Variants in GABRB2 observed in about 807,000 individuals in gnomAD.
The protein encoded by GABRB2 is gamma-aminobutyric acid receptor subunit beta-2.
Under a neutral mutation model 54.7 loss-of-function variants are expected in GABRB2, and 16 were observed. That is an observed-to-expected ratio of 0.29 (90% CI 0.20 to 0.44). The LOEUF (loss-of-function observed/expected upper bound fraction) is 0.44, where lower values mean the gene tolerates loss of function less well. Ranked by LOEUF, GABRB2 falls within the 20% of genes least tolerant of loss-of-function variation. The probability of loss-of-function intolerance (pLI) is 1.00; values close to 1 mark genes in which losing one functional copy is unlikely to be tolerated. For missense variants in GABRB2, 355 were observed against 644.0 expected (o/e 0.55, Z 4.86); for synonymous variants, 244 against 233.8 (o/e 1.04, Z -0.40).
At chr5:161,548,383 C>G (rs907493703), upstream of GABRB2, among the ~76,000 whole-genome samples, 1 of 152,200 alleles carries the variant, frequency 6.6e-6, no homozygotes, top group African/African-American at 2.4e-5. Context: ...TCTCCGGGTA[C>G]TCCTGAGTTT....
intron 5 of GABRB2, among the ~76,000 whole-genome samples, chr5:161,346,460 A>G (rs10515828): frequency 0.09 from 13,757 of 152,204 alleles, 712 homozygotes; most frequent in East Asian, 0.17. Flanking sequence ...AATGTGCAAT[A>G]AAGTGTCAAC....
intron 5 of GABRB2, among the ~76,000 whole-genome samples, chr5:161,345,540 CTCAAGGTTCTGGTTCAAGTTATT>C (rs1245563656): frequency 6.6e-6 from 1 of 152,062 alleles, no homozygotes; most frequent in African/African-American, 2.4e-5. Flanking sequence ...CTCCTTTGAC[CTCAAGGTTCTGGTTCAAGTTATT>C]TCAGTTACTT....
chr5:161,426,876 C>G (rs1413468856), intron 4 of GABRB2, among the ~76,000 whole-genome samples: 2 of 152,046 alleles, frequency 1.3e-5, no homozygotes, highest in Non-Finnish European at 2.9e-5. Flanking sequence ...ATAACAGGAG[C>G]TATTAGAAAA....
At chr5:161,536,903 T>C (rs1214458282) in intron 3 of GABRB2, among the ~76,000 whole-genome samples, 1 of 152,134 alleles carries the variant, frequency 6.6e-6, no homozygotes, top group Non-Finnish European at 1.5e-5. Context: ...TGGGTATATA[T>C]GACTTTTTAA....
intron 3 of GABRB2, among the ~76,000 whole-genome samples, chr5:161,514,578 C>CAT (rs1554105715): frequency 8.6e-5 from 13 of 150,592 alleles, no homozygotes; most frequent in African/African-American, 2.9e-4. Context: ...AGTATATATA[C>CAT]GTGTGTGTGT....
intron 5 of GABRB2, among the ~76,000 whole-genome samples, chr5:161,371,012 T>C (rs1177052588): frequency 2.0e-5 from 3 of 152,150 alleles, no homozygotes; most frequent in Non-Finnish European, 4.4e-5. Context: ...AGTTCTAAGG[T>C]TAGAATAATT....
At position 161,323,859 on chromosome 5, in the gene GABRB2, A is replaced by G. The variant is rs117631809; in HGVS notation, c.1191+2509T>C. Among the ~76,000 whole-genome samples, 50 of 152,308 alleles carry G rather than the reference A, an allele frequency of 3.3e-4. 1 individual carries two copies. In the East Asian group the frequency reaches 8.3e-3, roughly 25 times the overall value. ...CAGATGGCTATTAGGTATGTAAACT[A>G]TCATAGAACCTTTCTAGTGAACAAC... is the stretch of plus-strand genomic sequence containing the variant. On this transcript the variant is annotated intron_variant, in intron 9 of 9. Coordinates refer to ENST00000393959, the MANE Select transcript of GABRB2 (RefSeq NM_001371727.1).
chr5:161,346,788 T>G (rs1402828512), intron 5 of GABRB2, among the ~76,000 whole-genome samples: 1 of 152,148 alleles, frequency 6.6e-6, no homozygotes, highest in Non-Finnish European at 1.5e-5. Context: ...TCTTAGCACT[T>G]AGTACATTTA....
chr5:161,413,609 A>G (rs1756583262), intron 4 of GABRB2, among the ~76,000 whole-genome samples: 1 of 152,198 alleles, frequency 6.6e-6, no homozygotes, highest in Admixed American at 6.5e-5. Flanking sequence ...AGTAATATAC[A>G]GAGATCTTTA....
intron 3 of GABRB2, among the ~76,000 whole-genome samples, chr5:161,505,480 G>T (rs1759578857): frequency 1.3e-5 from 2 of 151,972 alleles, no homozygotes; most frequent in African/African-American, 2.4e-5. Context: ...ACCAGGAAAA[G>T]ATATTATAAG....
At chr5:161,458,731 A>G (rs2113260888) in intron 4 of GABRB2, among the ~76,000 whole-genome samples, 1 of 152,302 alleles carries the variant, frequency 6.6e-6, no homozygotes, top group Non-Finnish European at 1.5e-5. Flanking sequence ...CTAATGTATG[A>G]GGTTGTTGTA....
chr5:161,429,416 C>T (rs529973720), intron 4 of GABRB2, among the ~76,000 whole-genome samples: 13 of 148,650 alleles, frequency 8.7e-5, no homozygotes, highest in Non-Finnish European at 1.5e-4. Flanking sequence ...CTGAGGCAGC[C>T]ATTGCAGAGA....
chr5:161,485,066 TCTC>T (rs1758877510), intron 3 of GABRB2, among the ~76,000 whole-genome samples: 1 of 151,896 alleles, frequency 6.6e-6, no homozygotes, highest in African/African-American at 2.4e-5. Context: ...ACCGTTCCCT[TCTC>T]CTCTTCATTT....
At chr5:161,441,386 A>G (rs4921392) in intron 4 of GABRB2, among the ~76,000 whole-genome samples, 1,840 of 152,312 alleles carry the variant, frequency 0.012, 19 homozygotes, top group Non-Finnish European at 0.018. Flanking sequence ...GAGAAATGCA[A>G]TTCAAAACTA....
intron 4 of GABRB2, among the ~76,000 whole-genome samples, chr5:161,415,893 G>A (rs934742357): frequency 6.6e-6 from 1 of 151,732 alleles, no homozygotes; most frequent in African/African-American, 2.4e-5. Flanking sequence ...GATTACAGGC[G>A]TGATCCACCG....
intron 3 of GABRB2, among the ~76,000 whole-genome samples, chr5:161,500,201 T>A (rs1759388669): frequency 6.6e-6 from 1 of 152,238 alleles, no homozygotes. Context: ...TTCAGACTAC[T>A]ACTTACTGTG....
At chr5:161,476,645 C>T (rs749853194) in intron 3 of GABRB2, among the ~76,000 whole-genome samples, 6 of 151,664 alleles carry the variant, frequency 4.0e-5, no homozygotes, top group East Asian at 3.9e-4. Context: ...CTCAAATGTA[C>T]GAATAAATGC....
intron 3 of GABRB2, among the ~76,000 whole-genome samples, chr5:161,499,025 C>T (rs1313160588): frequency 6.6e-6 from 1 of 152,168 alleles, no homozygotes; most frequent in African/African-American, 2.4e-5. Flanking sequence ...TCCACACATC[C>T]TTACCACCTG....
rs1263305360 is a variant in GABRB2, at chr5:161,288,446, T to TA, written c.*5634dup. ...ACCACACACACAATCTTTTTATTTT[T>TA]ATTTATATTTCTTAGTTCAAGAATT... On this transcript the variant is annotated 3_prime_UTR_variant, in exon 10 of 10. Coordinates refer to ENST00000393959, the MANE Select transcript of GABRB2 (RefSeq NM_001371727.1). 3 of 152,642 alleles carry TA rather than the reference T, an allele frequency of 2.0e-5. No homozygotes were observed. The highest frequency in any genetic ancestry group is 7.2e-5 in the African/African-American group (3 of 41,462). The allele number at this position is 152,642 out of a possible 1,614,324, so 9.5% of individuals were successfully genotyped here. A position where few individuals can be genotyped will look rare whatever the true frequency, so the allele number is the denominator to read the frequency against.
Sources: allele counts gnomAD v4.1 joint callset (sites outside exome capture counted in the v4.1 genomes callset), GRCh38; gene constraint gnomAD v4.1.1; transcripts MANE v1.5; gene names NCBI Gene and HGNC (gene_info 2026-07-23, HGNC 2026-07-21).